Variants in PANX1 observed in about 807,000 individuals in gnomAD.
PANX1 encodes the protein pannexin 1, also known as pannexin-1.
In PANX1, 30 loss-of-function variants were observed where a neutral mutation model predicts 38.7. The ratio of observed to expected loss-of-function variants is 0.78; its 90% CI spans 0.58 to 1.05. The LOEUF is 1.05. Among genes scored for constraint, PANX1 ranks in the 50% least tolerant of loss-of-function variants. The pLI, the probability that PANX1 is intolerant of heterozygous loss-of-function variation, is 0.00. For missense variants in PANX1, 551 were observed against 517.2 expected (o/e 1.07, Z -0.63); for synonymous variants, 230 against 212.2 (o/e 1.08, Z -0.73).
intron 1 of PANX1, among the ~76,000 whole-genome samples, chr11:94,132,440 G>C (rs1170212065): frequency 2.0e-5 from 3 of 152,170 alleles, no homozygotes; most frequent in Non-Finnish European, 4.4e-5. Context: ...CAAGTGTGTG[G>C]AGCAGTGTTG....
intron 1 of PANX1, among the ~76,000 whole-genome samples, chr11:94,151,939 C>T (rs1247379715): frequency 6.6e-6 from 1 of 152,172 alleles, no homozygotes; most frequent in Non-Finnish European, 1.5e-5. Flanking sequence ...CAGGGCTTTG[C>T]CGCATACCAC....
At chr11:94,163,661 C>T (rs1239229784) in intron 2 of PANX1, among the ~76,000 whole-genome samples, 2 of 152,250 alleles carry the variant, frequency 1.3e-5, no homozygotes, top group South Asian at 2.1e-4. Flanking sequence ...CTGTGTTCAT[C>T]GGAGGTATTG....
chr11:94,129,428 C>T lies in PANX1; in HGVS notation c.116C>T (p.Thr39Met), dbSNP rs768497210. 13 of 1,613,884 alleles carry T rather than the reference C, an allele frequency of 8.1e-6. No homozygotes were observed. The South Asian group carries it at 1.2e-4, about 15-fold the overall frequency. The change falls in exon 1 of 5, where the codon ACG becomes ATG. Residue 39 changes from threonine (T) to methionine (M), a missense_variant. Coordinates refer to ENST00000227638, the MANE Select transcript of PANX1 (RefSeq NM_015368.4). ...GAGCTGGCTGTGGACAAGATGGTCA[C>T]GTGCATTGCGGTGGGGCTGCCCCTG... ...RLELAVDKMV[T>M]CIAVGLPLLL...
chr11:94,148,414 A>G (rs1221593611), intron 1 of PANX1, among the ~76,000 whole-genome samples: 1 of 152,190 alleles, frequency 6.6e-6, no homozygotes, highest in Non-Finnish European at 1.5e-5. Flanking sequence ...TGGTCTTAGT[A>G]TGTTGGGGTC....
At chr11:94,175,348 A>G (rs1299357504) in intron 2 of PANX1, among the ~76,000 whole-genome samples, 1 of 151,722 alleles carries the variant, frequency 6.6e-6, no homozygotes, top group Non-Finnish European at 1.5e-5. Flanking sequence ...ATCAAGGTAC[A>G]AGGCTATTTT....
intron 2 of PANX1, among the ~76,000 whole-genome samples, chr11:94,157,459 G>C (rs952145992): frequency 4.6e-5 from 7 of 152,110 alleles, no homozygotes; most frequent in Non-Finnish European, 8.8e-5. Context: ...TCTCATTGTG[G>C]TTTTGATTTG....
intron 3 of PANX1, 81 bp downstream of exon 3, chr11:94,178,673 T>C: frequency 9.1e-7 from 1 of 1,093,072 alleles, no homozygotes; most frequent in East Asian, 2.5e-5. Flanking sequence ...GGGCCCAGAG[T>C]TCTCATTGCT....
At chr11:94,163,595 T>A (rs1406629387) in intron 2 of PANX1, among the ~76,000 whole-genome samples, 1 of 152,248 alleles carries the variant, frequency 6.6e-6, no homozygotes. Context: ...TGATGAATGA[T>A]CTTTTTAATG....
At chr11:94,160,929 A>G (rs1473270441) in intron 2 of PANX1, among the ~76,000 whole-genome samples, 3 of 152,184 alleles carry the variant, frequency 2.0e-5, no homozygotes, top group African/African-American at 7.2e-5. Flanking sequence ...GGTGGTGACA[A>G]AATCTCTCAG....
chr11:94,148,370 T>C (rs1565375826), intron 1 of PANX1, among the ~76,000 whole-genome samples: 1 of 152,222 alleles, frequency 6.6e-6, no homozygotes, highest in Admixed American at 6.5e-5. Context: ...ACTATAAGTA[T>C]TGGGCAAGAA....
At chr11:94,161,089 A>G (rs1444446408) in intron 2 of PANX1, among the ~76,000 whole-genome samples, 1 of 152,192 alleles carries the variant, frequency 6.6e-6, no homozygotes, top group Non-Finnish European at 1.5e-5. Flanking sequence ...TCTGCCGAGA[A>G]ATCAGCTGTT....
At chr11:94,155,196 C>G (rs1455168699) in intron 2 of PANX1, among the ~76,000 whole-genome samples, 1 of 152,070 alleles carries the variant, frequency 6.6e-6, no homozygotes, top group Non-Finnish European at 1.5e-5. Flanking sequence ...ACTAAAAATA[C>G]AAAAATTAGC....
intron 2 of PANX1, among the ~76,000 whole-genome samples, chr11:94,169,471 C>T (rs1022708666): frequency 2.0e-5 from 3 of 151,586 alleles, no homozygotes; most frequent in African/African-American, 2.4e-5. Context: ...AAAGATATGT[C>T]GAAGTTTTAA....
At position 94,181,052 on chromosome 11, in the gene PANX1, A is replaced by G; in HGVS notation, c.*183A>G. 1 of 583,620 alleles carries G rather than the reference A, an allele frequency of 1.7e-6. No homozygotes were observed. The highest frequency in any genetic ancestry group is 3.1e-6 in the Non-Finnish European group (1 of 325,200). The allele number at this position is 583,620 out of a possible 1,614,324, so 36.2% of individuals were successfully genotyped here. On this transcript the variant is annotated 3_prime_UTR_variant, in exon 5 of 5. Coordinates refer to ENST00000227638, the MANE Select transcript of PANX1 (RefSeq NM_015368.4). ...ACAAAAGGTTATGGAAGAATGGTTT[A>G]TGAACTTCCCATAGGAAGCACCTGA...
rs778429427 is a variant in PANX1, at chr11:94,180,871, G to C, written c.*2G>C. ...AGACTTCTGGATTCTTCTTGCTGATGATTTTTTTCCTTGAGCTGTAAATCT... is the reference window on the plus strand; with the variant it reads ...AGACTTCTGGATTCTTCTTGCTGATCATTTTTTTCCTTGAGCTGTAAATCT... On this transcript the variant is annotated 3_prime_UTR_variant, in exon 5 of 5. Coordinates refer to ENST00000227638, the MANE Select transcript of PANX1 (RefSeq NM_015368.4). The C allele has an allele frequency of 9.6e-6, 15 of 1,561,914 alleles. No homozygotes were observed. The highest frequency in any genetic ancestry group is 1.3e-5 in the Non-Finnish European group (15 of 1,132,680).
At chr11:94,165,070 G>A (rs924031263) in intron 2 of PANX1, among the ~76,000 whole-genome samples, 1 of 152,052 alleles carries the variant, frequency 6.6e-6, no homozygotes, top group South Asian at 2.1e-4. Flanking sequence ...GTGTCTTATA[G>A]GTGAAGTGAG....
chr11:94,138,226 C>A (rs555258123), intron 1 of PANX1, among the ~76,000 whole-genome samples: 4 of 152,152 alleles, frequency 2.6e-5, no homozygotes, highest in African/African-American at 7.2e-5. Context: ...AGTGGATTAT[C>A]GTCCACAGCT....
intron 2 of PANX1, among the ~76,000 whole-genome samples, chr11:94,160,617 GTC>G (rs1947015555): frequency 6.6e-6 from 1 of 152,064 alleles, no homozygotes; most frequent in African/African-American, 2.4e-5. Context: ...GCCTATGTTT[GTC>G]TCTGCATGTG....
At chr11:94,175,686 T>G in intron 2 of PANX1, 2 of 936,978 alleles carry the variant, frequency 2.1e-6, no homozygotes, top group Non-Finnish European at 2.5e-6. Flanking sequence ...CTTATGTTTT[T>G]AAACTAATGG....
Sources: gnomAD v4.1 joint callset for allele counts (sites outside exome capture counted in the v4.1 genomes callset) on GRCh38, gnomAD v4.1.1 for gene constraint, MANE v1.5 for transcripts, NCBI Gene and HGNC (gene_info 2026-07-23, HGNC 2026-07-21) for gene names.